Variants in SCGB2B2 observed in about 807,000 individuals in gnomAD.
The protein encoded by SCGB2B2 is secretoglobin family 2B member 2.
SCGB2B2 carries 11 observed loss-of-function variants against 7.6 expected under a neutral mutation model. That is an observed-to-expected ratio of 1.45 (90% confidence interval 0.91 to 2.40). The LOEUF (loss-of-function observed/expected upper bound fraction) is 2.40, where lower values mean the gene tolerates loss of function less well. Among genes scored for constraint, SCGB2B2 ranks in the 30% most tolerant of loss-of-function variants. The pLI is 0.00. For synonymous variants in SCGB2B2, 50 were observed against 48.6 expected (o/e 1.03, Z -0.12); for missense variants, 104 against 115.4 (o/e 0.90, Z 0.45).
intron 1 of SCGB2B2, among the ~76,000 whole-genome samples, chr19:34,660,155 A>G (rs1432651591): frequency 6.6e-6 from 1 of 152,230 alleles, no homozygotes. Context: ...AAAGACTTAA[A>G]TGTAAGACCT....
intron 1 of SCGB2B2, among the ~76,000 whole-genome samples, chr19:34,643,206 C>T (rs1318117361): frequency 6.6e-6 from 1 of 152,122 alleles, no homozygotes; most frequent in Admixed American, 6.5e-5. Flanking sequence ...GGTACATATA[C>T]ACAATGGAAT....
At chr19:34,652,103 T>C (rs978259448) in intron 1 of SCGB2B2, among the ~76,000 whole-genome samples, 3 of 151,090 alleles carry the variant, frequency 2.0e-5, no homozygotes, top group Non-Finnish European at 4.4e-5. Context: ...ACTAGACCCC[T>C]ATCTCTCATT....
intron 1 of SCGB2B2, among the ~76,000 whole-genome samples, chr19:34,634,477 G>A (rs2066620829): frequency 6.6e-6 from 1 of 152,136 alleles, no homozygotes; most frequent in Admixed American, 6.5e-5. Flanking sequence ...CACCTACCTG[G>A]CACTCACACG....
chr19:34,602,464 G>T (rs915542969), intron 1 of SCGB2B2, among the ~76,000 whole-genome samples: 1 of 152,158 alleles, frequency 6.6e-6, no homozygotes, highest in African/African-American at 2.4e-5. Context: ...TATTCTAAGA[G>T]ATCTAGTCTA....
intron 1 of SCGB2B2, among the ~76,000 whole-genome samples, chr19:34,657,669 A>G (rs1205288211): frequency 2.0e-5 from 3 of 152,164 alleles, no homozygotes; most frequent in Admixed American, 6.5e-5. Context: ...TTAACACCCC[A>G]CTGTCAGTAT....
At chr19:34,645,380 C>T (rs1021289848) in intron 1 of SCGB2B2, 12 of 158,750 alleles carry the variant, frequency 7.6e-5, no homozygotes, top group Middle Eastern at 3.0e-3. Context: ...GAGACTGTCA[C>T]GCCAACACCC....
chr19:34,606,917 C>T (rs1004748207), intron 1 of SCGB2B2, among the ~76,000 whole-genome samples: 3 of 152,036 alleles, frequency 2.0e-5, no homozygotes, highest in South Asian at 2.1e-4. Context: ...CAGATAAAGG[C>T]GGACTCCTCT....
intron 1 of SCGB2B2, among the ~76,000 whole-genome samples, chr19:34,637,104 C>T (rs1210977659): frequency 6.6e-6 from 1 of 152,168 alleles, no homozygotes; most frequent in Non-Finnish European, 1.5e-5. Flanking sequence ...TCCTGCAATT[C>T]CCAGCACAGT....
chr19:34,610,388 G>C (rs1039224225), intron 1 of SCGB2B2, among the ~76,000 whole-genome samples: 1 of 152,120 alleles, frequency 6.6e-6, no homozygotes, highest in African/African-American at 2.4e-5. Context: ...TCTTGCTCCA[G>C]ATTTTAGAGG....
intron 1 of SCGB2B2, among the ~76,000 whole-genome samples, chr19:34,602,152 G>A (rs2065644763): frequency 6.6e-6 from 1 of 152,008 alleles, no homozygotes; most frequent in Non-Finnish European, 1.5e-5. Context: ...TTTTAAAAAA[G>A]GAAAGATGAT....
chr19:34,587,599 C>T (rs1205193155), downstream of SCGB2B2, among the ~76,000 whole-genome samples: 1 of 152,162 alleles, frequency 6.6e-6, no homozygotes, highest in African/African-American at 2.4e-5. Context: ...ACATTCTTGC[C>T]TTGTTCCAGA....
intron 1 of SCGB2B2, among the ~76,000 whole-genome samples, chr19:34,661,466 C>T (rs1439849136): frequency 2.6e-5 from 4 of 152,166 alleles, no homozygotes; most frequent in Non-Finnish European, 5.9e-5. Context: ...ACATCTGGCA[C>T]TGTAGAGGGC....
chr19:34,654,690 A>G (rs2067239324), intron 1 of SCGB2B2, among the ~76,000 whole-genome samples: 1 of 150,584 alleles, frequency 6.6e-6, no homozygotes, highest in Non-Finnish European at 1.5e-5. Flanking sequence ...GGCCCCACCC[A>G]GAAGGAACTG....
intron 1 of SCGB2B2, among the ~76,000 whole-genome samples, chr19:34,644,455 C>CA (rs367841258): frequency 2.0e-5 from 3 of 149,978 alleles, no homozygotes; most frequent in African/African-American, 7.3e-5. Context: ...AGTAAATTCT[C>CA]AATGTTGTGC....
chr19:34,604,952 AC>A (rs1374609166), intron 1 of SCGB2B2, among the ~76,000 whole-genome samples: 2 of 151,980 alleles, frequency 1.3e-5, no homozygotes, highest in African/African-American at 4.8e-5. Context: ...CCAGAAAATT[AC>A]CACCACAATC....
intron 1 of SCGB2B2, among the ~76,000 whole-genome samples, chr19:34,647,103 T>A (rs2067040633): frequency 6.6e-6 from 1 of 151,724 alleles, no homozygotes; most frequent in Non-Finnish European, 1.5e-5. Flanking sequence ...AGCGTCCCCA[T>A]AAATACCTGC....
rs988313300 is a variant in SCGB2B2 at position 34,676,587 on chromosome 19, C to T, written c.-2989G>A. The T allele has an allele frequency of 3.3e-5, 5 of 152,140 alleles. No homozygotes were observed. Among genetic ancestry groups the T allele is most frequent in the Non-Finnish European group, 7.3e-5 (5 of 68,038 alleles). The allele number at this position is 152,140 out of a possible 1,614,324, so 9.4% of individuals were successfully genotyped here. A position where few individuals can be genotyped will look rare whatever the true frequency, so the allele number is the denominator to read the frequency against. On this transcript the variant is annotated 5_prime_UTR_variant, in exon 1 of 4. The change creates a new upstream start codon in the 5' untranslated region. Transcript: ENST00000601241. ...ATTGTTTCTTTACTTTCTTAATACA[C>T]TTGCTTTGGCTTTGCACTGTGCTCT...
chr19:34,670,138 T>C (rs115665380), intron 1 of SCGB2B2, among the ~76,000 whole-genome samples: 3,412 of 152,280 alleles, frequency 0.022, 108 homozygotes, highest in African/African-American at 0.078. Flanking sequence ...TGCCAGTTGG[T>C]TGTATATGAG....
At chr19:34,628,953 G>T (rs1201887595) in intron 1 of SCGB2B2, among the ~76,000 whole-genome samples, 1 of 151,990 alleles carries the variant, frequency 6.6e-6, no homozygotes, top group East Asian at 1.9e-4. Flanking sequence ...TGGGATGCAA[G>T]GCTGGTTCAA....
Sources: allele counts gnomAD v4.1 joint callset (sites outside exome capture counted in the v4.1 genomes callset), GRCh38; gene constraint gnomAD v4.1.1; transcripts MANE v1.5; gene names NCBI Gene and HGNC (gene_info 2026-07-23, HGNC 2026-07-21).